Variants in RNF4 observed in about 807,000 individuals in gnomAD.
RNF4 encodes the protein E3 ubiquitin-protein ligase RNF4.
RNF4 carries 7 observed loss-of-function variants against 24.3 expected under a neutral mutation model. The observed-to-expected ratio is 0.29, with a 90% CI of 0.16 to 0.54. The LOEUF (loss-of-function observed/expected upper bound fraction) is 0.54. Ranked by LOEUF, RNF4 falls within the 20% of genes least tolerant of loss-of-function variation. RNF4 has a pLI of 0.95. For missense variants in RNF4, 209 were observed against 248.5 expected, an observed-to-expected ratio of 0.84 and a Z score of 1.07; for synonymous variants, 83 against 84.3, an observed-to-expected ratio of 0.98 and a Z score of 0.09.
In RNF4 at chr4:2,496,936, C is replaced by T. The variant is rs531765695; in HGVS notation, c.10-71C>T. On this transcript the variant is annotated intron_variant, in intron 2 of 7. Transcript: ENST00000314289. ...TTAATGAAGTGAACCATTTCTATTGCCCATTTAGTTCTTCCTGAAACCCTG... is the reference window on the plus strand; with the variant it reads ...TTAATGAAGTGAACCATTTCTATTGTCCATTTAGTTCTTCCTGAAACCCTG... 6 of 1,099,770 alleles carry T rather than the reference C, an allele frequency of 5.5e-6. No homozygotes were observed. In the East Asian group the frequency reaches 7.8e-5, roughly 14 times the overall value. The allele number at this position is 1,099,770 out of a possible 1,614,324, so 68.1% of individuals were successfully genotyped here.
chr4:2,471,319 G>C (rs1194315018), intron 1 of RNF4, among the ~76,000 whole-genome samples: 1 of 152,090 alleles, frequency 6.6e-6, no homozygotes, highest in African/African-American at 2.4e-5. Context: ...CAATGTTTTG[G>C]GTTACCATGA....
intron 1 of RNF4, among the ~76,000 whole-genome samples, chr4:2,473,641 C>T (rs957578425): frequency 6.6e-6 from 1 of 151,506 alleles, no homozygotes. Context: ...GAAACCCCGT[C>T]TCTACTAAAA....
intron 2 of RNF4, among the ~76,000 whole-genome samples, chr4:2,493,399 T>C (rs1287271212): frequency 1.3e-5 from 2 of 152,014 alleles, no homozygotes; most frequent in Non-Finnish European, 2.9e-5. Context: ...CCAGGACCCA[T>C]GGCTGCTTTC....
At chr4:2,471,431 A>G (rs1042193466) in intron 1 of RNF4, among the ~76,000 whole-genome samples, 2 of 150,618 alleles carry the variant, frequency 1.3e-5, no homozygotes, top group African/African-American at 4.9e-5. Flanking sequence ...AGGCCTCTCA[A>G]TTCCTTGAGA....
intron 4 of RNF4, among the ~76,000 whole-genome samples, chr4:2,506,654 A>G (rs573780803): frequency 1.3e-5 from 2 of 150,512 alleles, no homozygotes; most frequent in Non-Finnish European, 2.9e-5. Flanking sequence ...TGCAGCCTGT[A>G]CCTTCTGGGC....
At chr4:2,475,586 C>T (rs1199272741) in intron 1 of RNF4, among the ~76,000 whole-genome samples, 5 of 152,312 alleles carry the variant, frequency 3.3e-5, no homozygotes, top group Admixed American at 2.0e-4. Context: ...GATCCACCCG[C>T]CTCAGCCTCC....
chr4:2,481,674 C>T (rs1197005532), intron 1 of RNF4, among the ~76,000 whole-genome samples: 2 of 152,042 alleles, frequency 1.3e-5, no homozygotes, highest in Admixed American at 6.6e-5. Flanking sequence ...TTTTATCTTC[C>T]CTGGGAGCCA....
chr4:2,497,099 A>C lies in RNF4; in HGVS notation c.102A>C (p.Glu34Asp). Reference protein sequence around the residue: ...TSTPEISLEAEPIELVETAGD... With the variant: ...TSTPEISLEADPIELVETAGD... ...CCCCCGAGATCTCCTTGGAAGCAGA[A>C]CCCATAGAACTCGTGGAAACTGGTA... The change falls in exon 3 of 8, where the codon GAA (glutamate) becomes GAC (aspartate). Residue 34 changes from glutamate (E) to aspartate (D), a missense_variant. Transcript: ENST00000314289. 5 of 1,608,582 alleles carry C rather than the reference A, an allele frequency of 3.1e-6. No individual in the cohort carries two copies. Among genetic ancestry groups the C allele is most frequent in the Non-Finnish European group, 4.2e-6 (5 of 1,177,632 alleles).
intron 1 of RNF4, among the ~76,000 whole-genome samples, chr4:2,478,421 G>A (rs554409981): frequency 1.3e-5 from 2 of 152,332 alleles, no homozygotes; most frequent in East Asian, 3.9e-4. Context: ...CATGTCACAG[G>A]CCTTCATGGC....
intron 4 of RNF4, among the ~76,000 whole-genome samples, chr4:2,506,638 G>A (rs1469496316): frequency 2.0e-5 from 3 of 151,632 alleles, no homozygotes; most frequent in Non-Finnish European, 4.4e-5. Context: ...TGCCATCACG[G>A]CTCACTGCAG....
In RNF4 at chr4:2,490,386, A is replaced by G. The variant is rs1735543489; in HGVS notation, c.-108A>G. ...CCGGATCCAAATTATTTTGCAAGCC[A>G]GATGAGTAACCAGAGGGCATGAAAG... On this transcript the variant is annotated 5_prime_UTR_variant, in exon 2 of 8. Coordinates refer to ENST00000314289, the MANE Select transcript of RNF4 (RefSeq NM_002938.5). 2 of 1,088,872 alleles carry G rather than the reference A, an allele frequency of 1.8e-6. No individual in the cohort carries two copies. The highest frequency in any genetic ancestry group is 3.1e-5 in the African/African-American group (2 of 64,000). The allele number at this position is 1,088,872 out of a possible 1,614,324, so 67.5% of individuals were successfully genotyped here.
At chr4:2,491,071 ACT>A (rs1735566142) in intron 2 of RNF4, among the ~76,000 whole-genome samples, 1 of 151,788 alleles carries the variant, frequency 6.6e-6, no homozygotes, top group South Asian at 2.1e-4. Flanking sequence ...ACTGAGTGAG[ACT>A]CTATAAAGTA....
chr4:2,497,515 C>T (rs185244321), intron 3 of RNF4, among the ~76,000 whole-genome samples: 12 of 152,334 alleles, frequency 7.9e-5, no homozygotes, highest in Admixed American at 6.5e-4. Context: ...TTGGTATAGG[C>T]AGAGGCCAGA....
chr4:2,492,888 A>G (rs1332272628), intron 2 of RNF4, among the ~76,000 whole-genome samples: 1 of 152,204 alleles, frequency 6.6e-6, no homozygotes. Context: ...AACAGGCAAA[A>G]CAATGTAGCC....
At chr4:2,483,263 A>G (rs1187002067) in intron 1 of RNF4, among the ~76,000 whole-genome samples, 2 of 152,154 alleles carry the variant, frequency 1.3e-5, no homozygotes, top group African/African-American at 2.4e-5. Context: ...GCTAGGAACC[A>G]TACTGGGTGT....
At chr4:2,507,695 T>C (rs532286700) in intron 4 of RNF4, among the ~76,000 whole-genome samples, 144 of 152,316 alleles carry the variant, frequency 9.5e-4, no homozygotes, top group African/African-American at 3.3e-3. Context: ...GAGGCTCACC[T>C]GTGCTTTTAG....
chr4:2,513,670 A>G lies in RNF4; in HGVS notation c.424A>G (p.Ile142Val), dbSNP rs1321551095. 3 of 1,613,684 alleles carry G rather than the reference A, an allele frequency of 1.9e-6. No homozygotes were observed. Among genetic ancestry groups the G allele is most frequent in the South Asian group, 2.2e-5 (2 of 91,072 alleles). ...GGCTCTTCTTTTTAATGCCTTCTAG[A>G]TCGTGCAGAATGGACGTCTCATCGT... ...CPICMDGYSEIVQNGRLIVST... is the reference protein window; with the variant it reads ...CPICMDGYSEVVQNGRLIVST... The change falls in exon 8 of 8, where the codon ATC becomes GTC. Residue 142 changes from isoleucine (I) to valine (V), a missense_variant and splice_region_variant. Physicochemically the swap from Ile to Val is conservative, Grantham distance 29. Transcript: ENST00000314289.
intron 4 of RNF4, among the ~76,000 whole-genome samples, chr4:2,503,035 G>A (rs865845552): frequency 1.3e-5 from 2 of 151,858 alleles, no homozygotes; most frequent in South Asian, 4.2e-4. Flanking sequence ...TCGGGTGGTG[G>A]TGGTGATTTT....
chr4:2,471,614 A>T (rs763000786), intron 1 of RNF4, among the ~76,000 whole-genome samples: 1 of 152,234 alleles, frequency 6.6e-6, no homozygotes, highest in Admixed American at 6.5e-5. Context: ...AATGACAGTT[A>T]GCCAAGTTGT....
Sources: allele counts gnomAD v4.1 joint callset (sites outside exome capture counted in the v4.1 genomes callset), GRCh38; gene constraint gnomAD v4.1.1; transcripts MANE v1.5; gene names NCBI Gene and HGNC (gene_info 2026-07-23, HGNC 2026-07-21).